The following ODAD2 variants were observed in gnomAD, a reference collection of about 807,000 sequenced individuals.
ODAD2 encodes the protein outer dynein arm docking complex subunit 2.
Under a neutral mutation model 106.8 loss-of-function variants are expected in ODAD2, and 89 were observed. That is an observed-to-expected ratio of 0.83 (90% CI 0.70 to 0.99). The LOEUF is 0.99. Among genes scored for constraint, ODAD2 ranks in the 50% least tolerant of loss-of-function variants. The probability of loss-of-function intolerance (pLI) is 0.00; values close to 1 mark genes in which losing one functional copy is unlikely to be tolerated. For missense variants in ODAD2, 1,168 were observed against 1,238.5 expected (o/e 0.94, Z 0.85); for synonymous variants, 404 against 436.2 (o/e 0.93, Z 0.92).
At chr10:27,963,595 C>T (rs1247773480) in intron 9 of ODAD2, among the ~76,000 whole-genome samples, 1 of 152,034 alleles carries the variant, frequency 6.6e-6, no homozygotes, top group East Asian at 1.9e-4. Flanking sequence ...ACTATTTTTC[C>T]CCCCACTGGA....
At chr10:27,853,752 T>G (rs1439015363) in intron 19 of ODAD2, among the ~76,000 whole-genome samples, 1 of 152,078 alleles carries the variant, frequency 6.6e-6, no homozygotes, top group Non-Finnish European at 1.5e-5. Context: ...CATAAAAAAG[T>G]TTACTCGAAT....
In ODAD2 at chr10:27,812,593, C is replaced by G. The variant is rs775378809; in HGVS notation, c.3054G>C (p.Gln1018His). 6.2e-7 allele frequency: 1 copy of G among 1,612,748 alleles called. No homozygotes were observed. ...LLLDMVGSPD[Q>H]DLQEAAAGCI... ...AACCAGCTGCAGCTTCCTGGAGATC[C>G]TGGTCAGGGGACCCAACCATATCCA... is the stretch of plus-strand genomic sequence containing the variant. The change falls in exon 20 of 20, where the codon CAG becomes CAC. Residue 1018 changes from glutamine to histidine, a missense_variant. Physicochemically the swap from Gln to His is conservative, Grantham distance 24. Coordinates refer to ENST00000305242, the MANE Select transcript of ODAD2 (RefSeq NM_018076.5).
At chr10:27,842,205 T>A (rs1838355788) in intron 19 of ODAD2, among the ~76,000 whole-genome samples, 1 of 152,230 alleles carries the variant, frequency 6.6e-6, no homozygotes, top group South Asian at 2.1e-4. Context: ...TCCATTTACA[T>A]GTTTTTGACC....
chr10:27,867,427 C>G (rs1421654257), intron 17 of ODAD2, among the ~76,000 whole-genome samples: 1 of 152,110 alleles, frequency 6.6e-6, no homozygotes, highest in Admixed American at 6.6e-5. Context: ...CAAAGCCATG[C>G]ACAGAAGAGA....
chr10:27,853,935 TAC>T (rs1409269649), intron 19 of ODAD2, among the ~76,000 whole-genome samples: 1 of 152,060 alleles, frequency 6.6e-6, no homozygotes, highest in Non-Finnish European at 1.5e-5. Flanking sequence ...CTTCAAAAGA[TAC>T]AGTTAAGAGA....
chr10:27,813,325 T>C (rs1353999085), intron 19 of ODAD2: 1 of 152,234 alleles, frequency 6.6e-6, no homozygotes, highest in Non-Finnish European at 1.5e-5. Context: ...TAAAGGCCAT[T>C]TATTCCTCAT....
chr10:27,846,949 A>T (rs1233555351), intron 19 of ODAD2, among the ~76,000 whole-genome samples: 2 of 152,208 alleles, frequency 1.3e-5, no homozygotes, highest in East Asian at 1.9e-4. Context: ...CCAACCAAAA[A>T]AATTCCAGGA....
At chr10:27,877,904 T>G (rs1287089844) in intron 17 of ODAD2, among the ~76,000 whole-genome samples, 1 of 152,212 alleles carries the variant, frequency 6.6e-6, no homozygotes, top group Non-Finnish European at 1.5e-5. Flanking sequence ...GGGCATGAAA[T>G]TTTTGTTCTA....
chr10:27,844,153 C>G (rs762110753), intron 19 of ODAD2, among the ~76,000 whole-genome samples: 1 of 152,118 alleles, frequency 6.6e-6, no homozygotes, highest in Non-Finnish European at 1.5e-5. Flanking sequence ...TATGATCGTG[C>G]CACTGTACTC....
At chr10:27,944,484 T>C (rs1846727560) in intron 11 of ODAD2, 53 bp from the exon 12 acceptor site, 1 of 1,518,432 alleles carries the variant, frequency 6.6e-7, no homozygotes, top group African/African-American at 1.4e-5. Context: ...TGCTATGTTT[T>C]TAAAAATTCC....
intron 17 of ODAD2, among the ~76,000 whole-genome samples, chr10:27,878,506 C>A (rs572625140): frequency 2.4e-4 from 37 of 152,214 alleles, no homozygotes; most frequent in African/African-American, 7.7e-4. Flanking sequence ...AAAGCACATA[C>A]AAGGCGAGCG....
intron 16 of ODAD2, among the ~76,000 whole-genome samples, chr10:27,929,955 T>A (rs529710962): frequency 6.6e-6 from 1 of 152,304 alleles, no homozygotes; most frequent in South Asian, 2.1e-4. Context: ...TTCTGTTATA[T>A]CTTTACTTAA....
At chr10:27,887,748 C>G (rs1315430216) in intron 17 of ODAD2, among the ~76,000 whole-genome samples, 2 of 151,806 alleles carry the variant, frequency 1.3e-5, no homozygotes, top group African/African-American at 4.8e-5. Flanking sequence ...AAGAAGAAAT[C>G]ACACAAAACT....
chr10:27,935,291 A>G (rs1315062191), intron 15 of ODAD2, 39 bp from the exon 16 acceptor site: 13 of 1,607,680 alleles, frequency 8.1e-6, no homozygotes, highest in Middle Eastern at 1.7e-4. Flanking sequence ...TGGTTTTTGT[A>G]TAAGGTTTGC....
chr10:27,925,954 C>A (rs969599165), intron 16 of ODAD2, among the ~76,000 whole-genome samples: 1 of 145,348 alleles, frequency 6.9e-6, no homozygotes, highest in African/African-American at 2.6e-5. Context: ...TGCAGTGAGC[C>A]AAGATGGTGC....
chr10:27,949,259 C>T (rs1280805660), intron 10 of ODAD2, among the ~76,000 whole-genome samples: 1 of 152,194 alleles, frequency 6.6e-6, no homozygotes. Flanking sequence ...AAAACAGACA[C>T]TGCCCTTGCC....
intron 19 of ODAD2, among the ~76,000 whole-genome samples, chr10:27,841,136 T>C (rs1838276905): frequency 6.6e-6 from 1 of 152,228 alleles, no homozygotes; most frequent in Non-Finnish European, 1.5e-5. Flanking sequence ...AATATTCTAA[T>C]ATTGGATAAT....
chr10:27,832,503 TC>T (rs1837559491), intron 19 of ODAD2, among the ~76,000 whole-genome samples: 1 of 151,836 alleles, frequency 6.6e-6, no homozygotes, highest in African/African-American at 2.4e-5. Flanking sequence ...AGCTCAACTT[TC>T]CCCCCACCCA....
intron 17 of ODAD2, among the ~76,000 whole-genome samples, chr10:27,866,000 T>C (rs761810993): frequency 1.3e-5 from 2 of 152,200 alleles, no homozygotes; most frequent in African/African-American, 2.4e-5. Flanking sequence ...TTTGGAAAAA[T>C]AGTTAATTGC....
Sources: gnomAD v4.1 joint callset for allele counts (sites outside exome capture counted in the v4.1 genomes callset) on GRCh38, gnomAD v4.1.1 for gene constraint, MANE v1.5 for transcripts, NCBI Gene and HGNC (gene_info 2026-07-23, HGNC 2026-07-21) for gene names.